CFTR: variants seen among roughly 807,000 people sequenced by gnomAD.
CFTR encodes cystic fibrosis transmembrane conductance regulator.
Under a neutral mutation model 171.6 loss-of-function variants are expected in CFTR, and 181 were observed. The ratio of observed to expected loss-of-function variants is 1.05; its 90% CI spans 0.93 to 1.19. The LOEUF (loss-of-function observed/expected upper bound fraction) is 1.19, where lower values mean the gene tolerates loss of function less well. Ranked by LOEUF, CFTR falls within the 50% of genes most tolerant of loss-of-function variation. CFTR has a pLI of 0.00. For synonymous variants in CFTR, 583 were observed against 608.0 expected, an observed-to-expected ratio of 0.96 and a Z score of 0.60; for missense variants, 1,968 against 1,734.7, an observed-to-expected ratio of 1.13 and a Z score of -2.39.
chr7:117,665,941 C>A (rs1209775901), intron 26 of CFTR, among the ~76,000 whole-genome samples: 3 of 152,140 alleles, frequency 2.0e-5, no homozygotes, highest in South Asian at 2.1e-4. Context: ...CTGGGACAGG[C>A]CTAGTTGTCT....
At chr7:117,533,604 G>A (rs981954110) in intron 4 of CFTR, among the ~76,000 whole-genome samples, 1 of 152,032 alleles carries the variant, frequency 6.6e-6, no homozygotes. Flanking sequence ...TGATCTAATA[G>A]CAAATCAATT....
intron 1 of CFTR, among the ~76,000 whole-genome samples, chr7:117,501,023 CA>C (rs1449925226): frequency 6.6e-6 from 1 of 152,076 alleles, no homozygotes; most frequent in Non-Finnish European, 1.5e-5. Context: ...AAATAAGGAC[CA>C]AAAGAGTTAC....
chr7:117,541,882 A>G (rs1462079463), intron 8 of CFTR, 134 bp from the exon 9 acceptor site: 2 of 410,996 alleles, frequency 4.9e-6, no homozygotes, highest in African/African-American at 4.1e-5. Flanking sequence ...AAATTATTTT[A>G]TTAAGAAATA....
At chr7:117,539,870 A>G (rs911405811) in intron 7 of CFTR, among the ~76,000 whole-genome samples, 12 of 151,950 alleles carry the variant, frequency 7.9e-5, no homozygotes, top group Non-Finnish European at 2.9e-5. Flanking sequence ...ATTTACAAGT[A>G]CTACAAGCAA....
intron 11 of CFTR, among the ~76,000 whole-genome samples, chr7:117,583,319 C>A (rs546574850): frequency 4.6e-5 from 7 of 152,010 alleles, no homozygotes; most frequent in East Asian, 1.9e-4. Context: ...TTTTATCCCC[C>A]CCCCGCTCCA....
chr7:117,641,633 A>C (rs1792915214), intron 22 of CFTR, among the ~76,000 whole-genome samples: 1 of 152,062 alleles, frequency 6.6e-6, no homozygotes. Context: ...CACCCTCCTC[A>C]AGTTCTGGCA....
At chr7:117,499,266 G>T (rs895780285) in intron 1 of CFTR, among the ~76,000 whole-genome samples, 2 of 152,012 alleles carry the variant, frequency 1.3e-5, no homozygotes, top group African/African-American at 2.4e-5. Flanking sequence ...ATCGAAAAAT[G>T]AGTATAAGCT....
intron 3 of CFTR, among the ~76,000 whole-genome samples, chr7:117,520,650 T>C (rs1798670891): frequency 6.6e-6 from 1 of 152,010 alleles, no homozygotes; most frequent in African/African-American, 2.4e-5. Flanking sequence ...CTTTGTCATG[T>C]CACATATTAT....
chr7:117,559,728 C>T (rs1799429209), intron 11 of CFTR, 73 bp downstream of exon 11: 2 of 1,032,766 alleles, frequency 1.9e-6, no homozygotes, highest in Non-Finnish European at 1.5e-6. Context: ...ATATTTGGCT[C>T]CATATTCAAT....
At chr7:117,656,719 A>G (rs977114777) in intron 24 of CFTR, among the ~76,000 whole-genome samples, 15 of 152,208 alleles carry the variant, frequency 9.9e-5, no homozygotes, top group Non-Finnish European at 8.8e-5. Context: ...AAAGGTCTGG[A>G]TTGTGGCAGA....
rs78041125 is a variant in CFTR, at chr7:117,576,658, G to A, written c.1585-11081G>A. Among the ~76,000 whole-genome samples the A allele has an allele frequency of 8.2e-3, 1,241 of 152,076 alleles. 18 individuals are homozygous for A. The highest frequency in any genetic ancestry group is 0.028 in the African/African-American group (1,169 of 41,494). On this transcript the variant is annotated intron_variant, in intron 11 of 26. Coordinates refer to ENST00000003084, the MANE Select transcript of CFTR (RefSeq NM_000492.4). ...ACTTAGGATTAGAGAATTTCCTCTG[G>A]TGAGGCATCATAGTGTCTCAAGCTG... is the stretch of plus-strand genomic sequence containing the variant.
intron 1 of CFTR, among the ~76,000 whole-genome samples, chr7:117,483,826 A>G (rs1798033429): frequency 6.6e-6 from 1 of 151,970 alleles, no homozygotes; most frequent in Admixed American, 6.6e-5. Context: ...CCTCCCACTC[A>G]GTCTCCCAAA....
rs1392939694 is a variant in CFTR at position 117,546,220 on chromosome 7, C to G, written c.1210-2421C>G. Among the ~76,000 whole-genome samples the G allele has an allele frequency of 5.9e-5, 9 of 152,142 alleles. No individual in the cohort carries two copies. The East Asian group carries it at 1.7e-3, about 30-fold the overall frequency. ...TCTTGGCCAGGCTTGTCTTGAACTC[C>G]TGACCTCGTGATCCACTCGCCTCGG... On this transcript the variant is annotated intron_variant, in intron 9 of 26. Transcript: ENST00000003084.
intron 25 of CFTR, among the ~76,000 whole-genome samples, chr7:117,665,175 G>A (rs1793352998): frequency 6.6e-6 from 1 of 152,172 alleles, no homozygotes; most frequent in South Asian, 2.1e-4. Flanking sequence ...CCATAAGCAT[G>A]TTTATAGCCC....
At chr7:117,654,113 C>G (rs1268209162) in intron 24 of CFTR, among the ~76,000 whole-genome samples, 3 of 152,182 alleles carry the variant, frequency 2.0e-5, no homozygotes, top group East Asian at 1.9e-4. Context: ...ATTTGAGTGT[C>G]TCATTCTTTG....
At chr7:117,579,036 T>C (rs552560884) in intron 11 of CFTR, among the ~76,000 whole-genome samples, 1 of 152,104 alleles carries the variant, frequency 6.6e-6, no homozygotes, top group Admixed American at 6.6e-5. Flanking sequence ...GAGATAAATA[T>C]AGAAAATGTA....
chr7:117,493,612 C>T (rs778909328), intron 1 of CFTR, among the ~76,000 whole-genome samples: 2 of 151,942 alleles, frequency 1.3e-5, no homozygotes, highest in South Asian at 2.1e-4. Flanking sequence ...ATGAAAGTAG[C>T]GTTAGTATTG....
intron 7 of CFTR, among the ~76,000 whole-genome samples, chr7:117,538,630 A>G (rs1276260418): frequency 6.6e-6 from 1 of 152,186 alleles, no homozygotes; most frequent in Non-Finnish European, 1.5e-5. Flanking sequence ...TGTAAATTCA[A>G]ATATAGACCT....
At position 117,540,335 on chromosome 7, in the gene CFTR, A is replaced by G; in HGVS notation, c.1105A>G (p.Asn369Asp). Residue 369 changes from asparagine to aspartate, a missense_variant, in exon 8 of 27, where the codon AAC becomes GAC. Coordinates refer to ENST00000003084, the MANE Select transcript of CFTR (RefSeq NM_000492.4). ...QTWYDSLGAI[N>D]KIQDFLQKQE... ...ATGGTATGACTCTCTTGGAGCAATA[A>G]ACAAAATACAGGTAATGTACCATAA... 6.2e-7 allele frequency: 1 copy of G among 1,613,626 alleles called. No individual in the cohort carries two copies. The highest frequency in any genetic ancestry group is 8.5e-7 in the Non-Finnish European group (1 of 1,179,536).
Sources: gnomAD v4.1 joint callset for allele counts (sites outside exome capture counted in the v4.1 genomes callset) on GRCh38, gnomAD v4.1.1 for gene constraint, MANE v1.5 for transcripts, NCBI Gene and HGNC (gene_info 2026-07-23, HGNC 2026-07-21) for gene names.